The following ROR1 variants were observed in gnomAD, a reference collection of about 807,000 sequenced individuals.
ROR1 encodes the protein inactive tyrosine-protein kinase transmembrane receptor ROR1.
In ROR1, 19 loss-of-function variants were observed where a neutral mutation model predicts 78.8. The observed-to-expected ratio is 0.24, with a 90% CI of 0.17 to 0.35. ROR1 has a LOEUF of 0.35. Among genes scored for constraint, ROR1 ranks in the 10% least tolerant of loss-of-function variants. ROR1 has a pLI of 1.00. For synonymous variants in ROR1, 386 were observed against 433.6 expected (o/e 0.89, Z 1.36); for missense variants, 917 against 1,177.8 (o/e 0.78, Z 3.24).
At chr1:63,821,438 C>A (rs1053203296) in intron 1 of ROR1, among the ~76,000 whole-genome samples, 4 of 152,188 alleles carry the variant, frequency 2.6e-5, no homozygotes, top group African/African-American at 7.2e-5. Flanking sequence ...AAACTGCCAA[C>A]ACTTTTCACT....
At chr1:63,810,231 G>C (rs1450403782) in intron 1 of ROR1, among the ~76,000 whole-genome samples, 1 of 152,198 alleles carries the variant, frequency 6.6e-6, no homozygotes, top group Non-Finnish European at 1.5e-5. Flanking sequence ...GTTGATTTGG[G>C]GGAGGAATGT....
At position 64,140,354 on chromosome 1, in the gene ROR1, C is replaced by T; in HGVS notation, c.856C>T (p.Pro286Ser). ...RLKLPNCEDL[P>S]QPESPEAANC... is the part of the protein sequence containing the mutation. The stretch of plus-strand genomic sequence containing the variant: ...GAAACTGCCAAACTGTGAAGATCTC[C>T]CCCAGCCAGAGAGCCCAGAAGCTGC... Residue 286 changes from proline (P) to serine (S), a missense_variant, in exon 6 of 9, where the codon CCC (proline) becomes TCC (serine). By Grantham distance (74) the Pro-to-Ser change is moderately conservative. This residue lies in a region of ROR1 where 835 missense variants were observed against 1,069.8 expected (regional missense o/e 0.78). Transcript: ENST00000371079. 1 of 1,613,108 alleles carries T rather than the reference C, an allele frequency of 6.2e-7. No individual in the cohort carries two copies. Among genetic ancestry groups the T allele is most frequent in the Non-Finnish European group, 8.5e-7 (1 of 1,179,656 alleles).
At chr1:64,017,249 G>A (rs1295832172) in intron 2 of ROR1, among the ~76,000 whole-genome samples, 4 of 152,124 alleles carry the variant, frequency 2.6e-5, no homozygotes, top group East Asian at 1.9e-4. Flanking sequence ...GGATATATGC[G>A]GGGAGCTTCT....
intron 1 of ROR1, among the ~76,000 whole-genome samples, chr1:63,862,203 G>A (rs1645186220): frequency 6.6e-6 from 1 of 151,738 alleles, no homozygotes. Flanking sequence ...GACCAGCCTA[G>A]CCAACATGGT....
chr1:64,175,271 AGC>A (rs1469619128), intron 8 of ROR1, among the ~76,000 whole-genome samples: 34 of 152,224 alleles, frequency 2.2e-4, no homozygotes, highest in Admixed American at 2.1e-3. Flanking sequence ...CTTACACAAA[AGC>A]AGCATCCAGC....
rs957599113 is a variant in ROR1 at position 64,180,296 on chromosome 1, T to C, written c.*1441T>C. 6.6e-6 allele frequency: 1 copy of C among 152,212 alleles called. No homozygotes were observed. Among genetic ancestry groups the C allele is most frequent in the Non-Finnish European group, 1.5e-5 (1 of 68,026 alleles). The allele number at this position is 152,212 out of a possible 1,614,324, so 9.4% of individuals were successfully genotyped here. On this transcript the variant is annotated 3_prime_UTR_variant, in exon 9 of 9. Coordinates refer to ENST00000371079, the MANE Select transcript of ROR1 (RefSeq NM_005012.4). The stretch of plus-strand genomic sequence containing the variant: ...AAAAACTCCTTTATTCTAAGAACAA[T>C]GTCTCAAAGTCTCATTTTTACTTTA...
intron 1 of ROR1, among the ~76,000 whole-genome samples, chr1:63,811,618 C>T (rs1156595081): frequency 6.6e-6 from 1 of 152,112 alleles, no homozygotes; most frequent in Non-Finnish European, 1.5e-5. Context: ...GGACCCTGGC[C>T]TTTGGGACTG....
intron 1 of ROR1, among the ~76,000 whole-genome samples, chr1:63,799,434 GA>G (rs1404634574): frequency 6.6e-6 from 1 of 152,222 alleles, no homozygotes; most frequent in African/African-American, 2.4e-5. Context: ...CTTGGCGACA[GA>G]ATTCCATGTT....
At chr1:63,846,136 G>GAA (rs1234102216) in intron 1 of ROR1, among the ~76,000 whole-genome samples, 15 of 74,784 alleles carry the variant, frequency 2.0e-4, no homozygotes, top group African/African-American at 7.5e-4. Context: ...GTGTGTGTGT[G>GAA]TGTGTGTGTG....
At chr1:64,104,063 C>T (rs548257955) in intron 4 of ROR1, among the ~76,000 whole-genome samples, 2 of 152,212 alleles carry the variant, frequency 1.3e-5, no homozygotes, top group African/African-American at 4.8e-5. Flanking sequence ...CAGCCCCAAA[C>T]GTCAATAGCG....
chr1:64,120,505 CTT>C (rs564225977), intron 4 of ROR1, among the ~76,000 whole-genome samples: 1 of 149,890 alleles, frequency 6.7e-6, no homozygotes, highest in African/African-American at 2.4e-5. Flanking sequence ...ATATTTTACT[CTT>C]TTTTTTTTCT....
In ROR1 at chr1:63,949,845, T is replaced by A. The variant is rs571848962; in HGVS notation, c.92-59460T>A. 7.3e-4 allele frequency among the ~76,000 whole-genome samples: 111 copies of A among 152,284 alleles called. 1 individual carries two copies. Among genetic ancestry groups the A allele is most frequent in the African/African-American group, 2.3e-3 (97 of 41,568 alleles). On this transcript the variant is annotated intron_variant, in intron 1 of 8. Coordinates refer to ENST00000371079, the MANE Select transcript of ROR1 (RefSeq NM_005012.4). Reference sequence around the variant, plus strand: ...CAGCCAGTGCCCTAACTTGTACAAATCAAGGAAAATGGTTTGTGTGGGGTG... The same window carrying A: ...CAGCCAGTGCCCTAACTTGTACAAAACAAGGAAAATGGTTTGTGTGGGGTG...
At chr1:64,075,651 A>G (rs1647044066) in intron 4 of ROR1, among the ~76,000 whole-genome samples, 1 of 152,200 alleles carries the variant, frequency 6.6e-6, no homozygotes, top group African/African-American at 2.4e-5. Flanking sequence ...AGGCATCTTT[A>G]TAAGTAACAA....
intron 4 of ROR1, among the ~76,000 whole-genome samples, chr1:64,093,496 G>A (rs1647222816): frequency 6.6e-6 from 1 of 151,960 alleles, no homozygotes; most frequent in Non-Finnish European, 1.5e-5. Flanking sequence ...TTATAAAACA[G>A]ATTTTTAAAA....
At position 63,812,283 on chromosome 1, in the gene ROR1, A is replaced by G. The variant is rs183879428; in HGVS notation, c.91+37775A>G. Among the ~76,000 whole-genome samples, 90 of 152,234 alleles carry G rather than the reference A, an allele frequency of 5.9e-4. No homozygotes were observed. In the East Asian group the frequency reaches 0.015, roughly 25 times the overall value. Reference sequence around the variant, plus strand: ...ATTTGGCCTGAGGCCTGTTTTTATAAATAAAGTTTTGTTGGAACACATTCA... The same window carrying G: ...ATTTGGCCTGAGGCCTGTTTTTATAGATAAAGTTTTGTTGGAACACATTCA... On this transcript the variant is annotated intron_variant, in intron 1 of 8. Transcript: ENST00000371079.
At chr1:64,090,014 A>G (rs922149908) in intron 4 of ROR1, among the ~76,000 whole-genome samples, 2 of 152,124 alleles carry the variant, frequency 1.3e-5, no homozygotes, top group South Asian at 2.1e-4. Context: ...GCCTGCCTCC[A>G]TGTAAGATGT....
intron 1 of ROR1, among the ~76,000 whole-genome samples, chr1:63,811,394 C>T (rs1644858905): frequency 6.6e-6 from 1 of 152,114 alleles, no homozygotes; most frequent in Non-Finnish European, 1.5e-5. Context: ...GAAATTGGTC[C>T]AGCTGTTTAG....
intron 2 of ROR1, among the ~76,000 whole-genome samples, chr1:64,030,062 T>C (rs1351799509): frequency 6.6e-6 from 1 of 152,216 alleles, no homozygotes; most frequent in Admixed American, 6.5e-5. Flanking sequence ...GCCCCTATTT[T>C]ACCCAAACTA....
chr1:63,796,644 G>T (rs530117937), intron 1 of ROR1, among the ~76,000 whole-genome samples: 1 of 152,292 alleles, frequency 6.6e-6, no homozygotes, highest in South Asian at 2.1e-4. Flanking sequence ...GAGAAAAAAG[G>T]TTTAAAGGCA....
Sources: gnomAD v4.1 joint callset for allele counts (sites outside exome capture counted in the v4.1 genomes callset) on GRCh38, gnomAD v4.1.1 for gene constraint, gnomAD v4.1.1 regional missense constraint, MANE v1.5 for transcripts, NCBI Gene and HGNC (gene_info 2026-07-23, HGNC 2026-07-21) for gene names.